PARD3B: variants seen among roughly 807,000 people sequenced by gnomAD.
The protein encoded by PARD3B is partitioning defective 3 homolog B.
A neutral mutation model predicts 130.2 loss-of-function variants in PARD3B; 103 were observed. The observed-to-expected ratio is 0.79, with a 90% CI of 0.67 to 0.93. PARD3B has a LOEUF of 0.93. Among genes scored for constraint, PARD3B ranks in the 40% least tolerant of loss-of-function variants. The probability of loss-of-function intolerance (pLI) is 0.00; values close to 1 mark genes in which losing one functional copy is unlikely to be tolerated. For missense variants in PARD3B, 1,609 were observed against 1,499.2 expected, an observed-to-expected ratio of 1.07 and a Z score of -1.21; for synonymous variants, 583 against 553.2, an observed-to-expected ratio of 1.05 and a Z score of -0.76.
intron 11 of PARD3B, among the ~76,000 whole-genome samples, chr2:205,167,320 G>T (rs2034877710): frequency 6.6e-6 from 1 of 151,960 alleles, no homozygotes; most frequent in South Asian, 2.1e-4. Context: ...TCACTCCAAA[G>T]AATTATCTGG....
At chr2:205,570,647 G>A (rs986537274) in intron 22 of PARD3B, among the ~76,000 whole-genome samples, 3 of 152,178 alleles carry the variant, frequency 2.0e-5, no homozygotes, top group South Asian at 2.1e-4. Flanking sequence ...AAAGCAGGTT[G>A]AATGGCATCA....
At chr2:205,068,722 T>C in intron 4 of PARD3B, among the ~76,000 whole-genome samples, 1 of 152,194 alleles carries the variant, frequency 6.6e-6, no homozygotes, top group East Asian at 1.9e-4. Flanking sequence ...TAATTTTTGA[T>C]GCACAATATT....
At chr2:205,135,572 CTTTT>C (rs60322420) in intron 10 of PARD3B, among the ~76,000 whole-genome samples, 3 of 147,038 alleles carry the variant, frequency 2.0e-5, no homozygotes, top group Non-Finnish European at 3.0e-5. Flanking sequence ...TTAAGATCAC[CTTTT>C]TTTTTTTTTT....
At chr2:204,923,118 T>G (rs1432339307) in intron 2 of PARD3B, among the ~76,000 whole-genome samples, 2 of 152,106 alleles carry the variant, frequency 1.3e-5, no homozygotes. Context: ...TTTTATTAAT[T>G]GTAAAAATTA....
intron 3 of PARD3B, among the ~76,000 whole-genome samples, chr2:205,018,666 C>T (rs1300365192): frequency 8.4e-6 from 1 of 119,484 alleles, no homozygotes; most frequent in African/African-American, 3.2e-5. Context: ...CCCAAGGTTA[C>T]AATTACACCT....
chr2:205,404,869 G>C (rs777694417), intron 19 of PARD3B, among the ~76,000 whole-genome samples: 2 of 152,082 alleles, frequency 1.3e-5, no homozygotes, highest in Non-Finnish European at 2.9e-5. Context: ...AGGTACAAAT[G>C]TCTTTATAAG....
At chr2:204,786,788 T>C (rs1001472633) in intron 2 of PARD3B, among the ~76,000 whole-genome samples, 1 of 151,538 alleles carries the variant, frequency 6.6e-6, no homozygotes, top group Non-Finnish European at 1.5e-5. Flanking sequence ...ACCAATGCAA[T>C]GAGAAACCGT....
At chr2:204,714,336 C>T (rs1286976968) in intron 2 of PARD3B, among the ~76,000 whole-genome samples, 3 of 152,118 alleles carry the variant, frequency 2.0e-5, no homozygotes, top group Non-Finnish European at 4.4e-5. Flanking sequence ...CCTTATTAGA[C>T]CAAAAAATCC....
At chr2:205,227,440 T>G (rs1574448015) in intron 15 of PARD3B, among the ~76,000 whole-genome samples, 1 of 152,142 alleles carries the variant, frequency 6.6e-6, no homozygotes, top group East Asian at 1.9e-4. Context: ...GTGACCTTCT[T>G]TGTCTCTTTT....
At chr2:205,013,397 A>T (rs1695878819) in intron 3 of PARD3B, among the ~76,000 whole-genome samples, 1 of 152,120 alleles carries the variant, frequency 6.6e-6, no homozygotes, top group Non-Finnish European at 1.5e-5. Flanking sequence ...AAATGTCATT[A>T]TCTCCTGAGA....
chr2:204,928,730 T>C (rs771843575), intron 2 of PARD3B, among the ~76,000 whole-genome samples: 24 of 152,124 alleles, frequency 1.6e-4, no homozygotes, highest in Non-Finnish European at 3.2e-4. Flanking sequence ...GCTTTGGGCA[T>C]GCTGATTTAG....
chr2:204,756,505 G>A (rs1325921243), intron 2 of PARD3B, among the ~76,000 whole-genome samples: 1 of 152,080 alleles, frequency 6.6e-6, no homozygotes, highest in Non-Finnish European at 1.5e-5. Context: ...AAATGCTGCA[G>A]CAGGATATAA....
At chr2:205,040,809 G>C (rs557880063) in intron 3 of PARD3B, among the ~76,000 whole-genome samples, 4 of 152,182 alleles carry the variant, frequency 2.6e-5, no homozygotes, top group South Asian at 2.1e-4. Flanking sequence ...CGTGGAAGGA[G>C]AGTGTGTTTT....
intron 1 of PARD3B, among the ~76,000 whole-genome samples, chr2:204,668,469 C>A (rs539184180): frequency 6.6e-6 from 1 of 152,268 alleles, no homozygotes; most frequent in Non-Finnish European, 1.5e-5. Flanking sequence ...ATGTCAGGCC[C>A]AGAAGTTGAA....
At chr2:205,201,735 G>A (rs2037001727) in intron 15 of PARD3B, among the ~76,000 whole-genome samples, 2 of 152,342 alleles carry the variant, frequency 1.3e-5, no homozygotes, top group South Asian at 4.1e-4. Flanking sequence ...TACTTGGGAG[G>A]CTGAGGCAGG....
intron 2 of PARD3B, among the ~76,000 whole-genome samples, chr2:204,956,932 A>G (rs1036964464): frequency 3.3e-5 from 5 of 152,176 alleles, no homozygotes; most frequent in Non-Finnish European, 5.9e-5. Context: ...CTCTAGGAGA[A>G]GGGCTTCATG....
chr2:205,447,217 A>T (rs1224977570), intron 20 of PARD3B, among the ~76,000 whole-genome samples: 1 of 152,192 alleles, frequency 6.6e-6, no homozygotes, highest in African/African-American at 2.4e-5. Context: ...TTCCTCCCTC[A>T]AATGGGGTTT....
chr2:205,216,735 A>G (rs538684641), intron 15 of PARD3B, among the ~76,000 whole-genome samples: 1 of 152,328 alleles, frequency 6.6e-6, no homozygotes, highest in East Asian at 1.9e-4. Flanking sequence ...TTAGGTCAAC[A>G]CAGAACAGTA....
At chr2:204,618,252 T>C (rs565082748) in intron 1 of PARD3B, among the ~76,000 whole-genome samples, 18 of 152,296 alleles carry the variant, frequency 1.2e-4, no homozygotes, top group Admixed American at 1.1e-3. Flanking sequence ...CAGTGTGCCC[T>C]GAATAGTGCT....
Sources: allele counts gnomAD v4.1 joint callset (sites outside exome capture counted in the v4.1 genomes callset), GRCh38; gene constraint gnomAD v4.1.1; transcripts MANE v1.5; gene names NCBI Gene and HGNC (gene_info 2026-07-23, HGNC 2026-07-21).